Variants in HERC3 observed in about 807,000 individuals in gnomAD.
HERC3 encodes HECT and RLD domain containing E3 ubiquitin protein ligase 3.
Under a neutral mutation model 129.9 loss-of-function variants are expected in HERC3, and 58 were observed. The ratio of observed to expected loss-of-function variants is 0.45; its 90% confidence interval spans 0.36 to 0.56. The LOEUF (loss-of-function observed/expected upper bound fraction) is 0.56, where lower values mean the gene tolerates loss of function less well. HERC3 is among the 20% of genes least tolerant of loss of function. The probability of loss-of-function intolerance (pLI) is 0.00; values close to 1 mark genes in which losing one functional copy is unlikely to be tolerated. For missense variants in HERC3, 835 were observed against 1,244.2 expected, an observed-to-expected ratio of 0.67 and a Z score of 4.95; for synonymous variants, 430 against 451.0, an observed-to-expected ratio of 0.95 and a Z score of 0.59.
intron 23 of HERC3, chr4:88,697,697 C>G: frequency 6.2e-7 from 1 of 1,612,028 alleles, no homozygotes; most frequent in South Asian, 1.1e-5. Context: ...GCCGCTGCCT[C>G]CGCCGCTGCC....
the HERC3 span, among the ~76,000 whole-genome samples, chr4:88,530,174 C>T: frequency 6.6e-6 from 1 of 152,012 alleles, no homozygotes; most frequent in African/African-American, 2.4e-5. Flanking sequence ...CCTATAATCC[C>T]AGCTACTCAG....
At chr4:88,689,399 G>C (rs1036138614) in intron 23 of HERC3, among the ~76,000 whole-genome samples, 1 of 150,924 alleles carries the variant, frequency 6.6e-6, no homozygotes, top group African/African-American at 2.4e-5. Context: ...CACATCTGTA[G>C]TTCCAGCTAC....
the HERC3 span, among the ~76,000 whole-genome samples, chr4:88,569,921 C>T: frequency 5.9e-5 from 9 of 152,326 alleles, no homozygotes; most frequent in South Asian, 2.1e-4. Flanking sequence ...TATCGGTTGT[C>T]GTGGTGCTGC....
intron 23 of HERC3, among the ~76,000 whole-genome samples, chr4:88,694,647 AG>A (rs1275688401): frequency 1.3e-5 from 2 of 152,202 alleles, no homozygotes; most frequent in Non-Finnish European, 2.9e-5. Context: ...TAATTATATT[AG>A]GTTCCAGATC....
At chr4:88,684,046 A>T (rs776574062) in intron 21 of HERC3, among the ~76,000 whole-genome samples, 14 of 152,210 alleles carry the variant, frequency 9.2e-5, no homozygotes, top group Non-Finnish European at 1.6e-4. Context: ...CCTACTTCCC[A>T]AAGTAATTTA....
chr4:88,653,794 A>G (rs1729549470), intron 6 of HERC3, among the ~76,000 whole-genome samples: 1 of 152,186 alleles, frequency 6.6e-6, no homozygotes, highest in Non-Finnish European at 1.5e-5. Flanking sequence ...ACTGTTTCTG[A>G]AATGGGGAAA....
intron 14 of HERC3, among the ~76,000 whole-genome samples, chr4:88,669,180 A>G (rs1731353299): frequency 6.6e-6 from 1 of 152,196 alleles, no homozygotes; most frequent in African/African-American, 2.4e-5. Flanking sequence ...AGCAGTTGTC[A>G]GTATTTTGCC....
chr4:88,674,917 TA>T (rs1731999946), intron 16 of HERC3, among the ~76,000 whole-genome samples: 1 of 152,212 alleles, frequency 6.6e-6, no homozygotes, highest in African/African-American at 2.4e-5. Context: ...AAATTGCTTA[TA>T]AATGATTTTA....
chr4:88,626,515 G>A (rs1019706781), intron 3 of HERC3, among the ~76,000 whole-genome samples: 2 of 152,054 alleles, frequency 1.3e-5, no homozygotes, highest in Non-Finnish European at 2.9e-5. Flanking sequence ...GACAAAAATG[G>A]TATGTTCAAG....
At chr4:88,531,207 T>A in the HERC3 span, among the ~76,000 whole-genome samples, 135 of 151,816 alleles carry the variant, frequency 8.9e-4, no homozygotes, top group South Asian at 4.8e-3. Context: ...TAAAATTTTT[T>A]TAAAATTTTT....
At chr4:88,578,690 A>ACTT in the HERC3 span, among the ~76,000 whole-genome samples, 9 of 152,192 alleles carry the variant, frequency 5.9e-5, no homozygotes, top group African/African-American at 2.2e-4. Context: ...AGGAGGAGGT[A>ACTT]ACACTACATG....
chr4:88,607,911 A>G (rs889374785), intron 3 of HERC3, among the ~76,000 whole-genome samples: 1 of 152,216 alleles, frequency 6.6e-6, no homozygotes, highest in African/African-American at 2.4e-5. Flanking sequence ...TTGTGACCAC[A>G]TATTTGTCAC....
chr4:88,533,224 G>A, the HERC3 span, among the ~76,000 whole-genome samples: 5 of 152,202 alleles, frequency 3.3e-5, no homozygotes, highest in Non-Finnish European at 7.3e-5. Context: ...CAGCAGGTCT[G>A]CTCATTCCAC....
chr4:88,557,366 T>C, the HERC3 span, among the ~76,000 whole-genome samples: 2 of 152,308 alleles, frequency 1.3e-5, no homozygotes, highest in African/African-American at 4.8e-5. Flanking sequence ...CAAATCTACC[T>C]CCTAAATTTC....
intron 23 of HERC3, among the ~76,000 whole-genome samples, chr4:88,699,967 C>T (rs1214931846): frequency 3.3e-5 from 5 of 152,004 alleles, no homozygotes; most frequent in Admixed American, 6.6e-5. Context: ...CCTAAAAGTC[C>T]GTTGTGGCCC....
At chr4:88,579,226 A>T in the HERC3 span, among the ~76,000 whole-genome samples, 7 of 93,932 alleles carry the variant, frequency 7.5e-5, no homozygotes, top group African/African-American at 7.2e-4. Context: ...TACTAAAAAA[A>T]AAAAAAATAT....
intron 19 of HERC3, 122 bp downstream of exon 19, chr4:88,678,256 GA>G: frequency 1.2e-6 from 1 of 803,322 alleles, no homozygotes; most frequent in Non-Finnish European, 2.0e-6. Flanking sequence ...CATTTTGCAA[GA>G]ATTTAATCAC....
the HERC3 span, among the ~76,000 whole-genome samples, chr4:88,559,960 ATTT>A: frequency 1.7e-5 from 2 of 119,570 alleles, no homozygotes; most frequent in African/African-American, 3.0e-5. Context: ...GTTATTTTTG[ATTT>A]TTTTTTTTTT....
chr4:88,642,292 T>C (rs1466463851), intron 3 of HERC3, among the ~76,000 whole-genome samples: 3 of 152,166 alleles, frequency 2.0e-5, no homozygotes, highest in Admixed American at 2.0e-4. Context: ...GAAACTCACA[T>C]GGTTATGTCA....
Sources: gnomAD v4.1 joint callset for allele counts (sites outside exome capture counted in the v4.1 genomes callset) on GRCh38, gnomAD v4.1.1 for gene constraint, MANE v1.5 for transcripts, NCBI Gene and HGNC (gene_info 2026-07-23, HGNC 2026-07-21) for gene names.